Variants in DAP3 observed in about 807,000 individuals in gnomAD.
The protein encoded by DAP3 is death associated protein 3, also known as small ribosomal subunit protein mS29.
DAP3 carries 28 observed loss-of-function variants against 51.9 expected under a neutral mutation model. The ratio of observed to expected loss-of-function variants is 0.54; its 90% CI spans 0.40 to 0.74. The LOEUF is 0.74. DAP3 is among the 30% of genes least tolerant of loss of function. The pLI is 0.00. For missense variants in DAP3, 458 were observed against 483.5 expected, an observed-to-expected ratio of 0.95 and a Z score of 0.49; for synonymous variants, 170 against 170.3, an observed-to-expected ratio of 1.00 and a Z score of 0.01.
intron 6 of DAP3, among the ~76,000 whole-genome samples, chr1:155,726,617 C>T (rs1437772389): frequency 6.6e-6 from 1 of 151,794 alleles, no homozygotes; most frequent in East Asian, 1.9e-4. Context: ...TAACAGGGAT[C>T]TGATAGCTAA....
intron 1 of DAP3, among the ~76,000 whole-genome samples, chr1:155,689,940 A>AT (rs1653488513): frequency 1.3e-5 from 2 of 151,982 alleles, no homozygotes; most frequent in Non-Finnish European, 2.9e-5. Flanking sequence ...AAATAATAAT[A>AT]TATGTAAAGT....
chr1:155,731,975 AG>A lies in DAP3; in HGVS notation c.936del (p.Thr313LeufsTer71). The A allele has an allele frequency of 6.2e-7, 1 of 1,612,314 alleles. No individual in the cohort carries two copies. Among genetic ancestry groups the A allele is most frequent in the Non-Finnish European group, 8.5e-7 (1 of 1,179,218 alleles). On this transcript the variant is annotated frameshift_variant, in exon 11 of 13. Transcript: ENST00000368336. LOFTEE classifies it high-confidence loss of function. ...HGGAIVSALS[Q>X]TGSLFKPRKA... ...GGCGCCATTGTGTCGGCTTTGAGCC[AG>A]ACTGGGTCTCTCTTTAAGCCCCGGA...
chr1:155,698,211 C>T (rs348193), intron 1 of DAP3, among the ~76,000 whole-genome samples: 9,598 of 151,880 alleles, frequency 0.063, 1,068 homozygotes, highest in African/African-American at 0.22. Flanking sequence ...ACGAAGATGA[C>T]GGGATTAAGA....
intron 1 of DAP3, among the ~76,000 whole-genome samples, chr1:155,696,332 A>C (rs531714297): frequency 5.9e-5 from 9 of 152,172 alleles, no homozygotes; most frequent in Middle Eastern, 3.4e-3. Flanking sequence ...TTGGGTGTTA[A>C]TTCTCTTTTA....
chr1:155,689,897 C>T (rs547425291), intron 1 of DAP3, among the ~76,000 whole-genome samples: 70 of 118,688 alleles, frequency 5.9e-4, no homozygotes, highest in Middle Eastern at 4.0e-3. Flanking sequence ...GGCGACAAAG[C>T]GAGACTCCGT....
At chr1:155,711,564 G>A (rs1371633395) in intron 2 of DAP3, among the ~76,000 whole-genome samples, 1 of 149,790 alleles carries the variant, frequency 6.7e-6, no homozygotes, top group African/African-American at 2.4e-5. Context: ...GTAGAGTGCT[G>A]TTGGTGAGAG....
upstream of DAP3, chr1:155,688,463 A>G (rs201567646): frequency 1.9e-6 from 3 of 1,549,734 alleles, no homozygotes; most frequent in Non-Finnish European, 1.7e-6. Context: ...GACTCCGGCC[A>G]TGTAGCGCGC....
intron 3 of DAP3, 39 bp downstream of exon 3, chr1:155,717,167 A>G (rs757091369): frequency 9.4e-6 from 15 of 1,597,014 alleles, no homozygotes; most frequent in African/African-American, 2.7e-5. Flanking sequence ...CTCAGGGCTT[A>G]TGATTTGTGT....
At chr1:155,689,682 G>A (rs1653416006) in intron 1 of DAP3, 1 of 324,640 alleles carries the variant, frequency 3.1e-6, no homozygotes, top group Non-Finnish European at 6.0e-6. Flanking sequence ...GGGAGGCCGA[G>A]GCAGGTGGAT....
chr1:155,708,013 T>C (rs1656211448), intron 1 of DAP3, among the ~76,000 whole-genome samples: 1 of 152,120 alleles, frequency 6.6e-6, no homozygotes, highest in African/African-American at 2.4e-5. Flanking sequence ...TGAACCTCCT[T>C]ATATATATTT....
intron 2 of DAP3, among the ~76,000 whole-genome samples, chr1:155,715,186 G>C (rs1558354235): frequency 1.4e-5 from 2 of 145,942 alleles, no homozygotes; most frequent in Non-Finnish European, 3.0e-5. Context: ...CTGGGCAACA[G>C]AGCAAGACTC....
chr1:155,736,879 G>A, intron 11 of DAP3, 67 bp from the exon 12 acceptor site: 2 of 1,268,780 alleles, frequency 1.6e-6, no homozygotes, highest in Admixed American at 3.4e-5. Context: ...AAGTGCTTAA[G>A]TAGAGTCTGT....
At chr1:155,692,487 A>G (rs1653963659) in intron 1 of DAP3, among the ~76,000 whole-genome samples, 1 of 142,104 alleles carries the variant, frequency 7.0e-6, no homozygotes, top group Non-Finnish European at 1.5e-5. Flanking sequence ...AACAGCATAA[A>G]CAGGTACACA....
Position 155,727,707 on chromosome 1 carries a change from T to C in DAP3, c.572T>C (p.Phe191Ser). Reference sequence around the variant, plus strand: ...GAGGCTTCAACCTGGCTGAAGAATTTCAAAACTACAAATGAGCGCTTCCTG... The same window carrying C: ...GAGGCTTCAACCTGGCTGAAGAATTCCAAAACTACAAATGAGCGCTTCCTG... ...PLEASTWLKN[F>S]KTTNERFLNQ... The change falls in exon 7 of 13, where the codon TTC becomes TCC. Residue 191 changes from phenylalanine (F) to serine (S), a missense_variant. Physicochemically the swap from Phe to Ser is radical, Grantham distance 155. Coordinates refer to ENST00000368336, the MANE Select transcript of DAP3 (RefSeq NM_004632.4). 1 of 1,613,728 alleles carries C rather than the reference T, an allele frequency of 6.2e-7. No homozygotes were observed. Among genetic ancestry groups the C allele is most frequent in the Non-Finnish European group, 8.5e-7 (1 of 1,179,818 alleles).
chr1:155,738,493 A>G lies in DAP3; in HGVS notation c.*251A>G. 2.4e-6 allele frequency: 1 copy of G among 416,844 alleles called. No individual in the cohort carries two copies. Among genetic ancestry groups the G allele is most frequent in the Non-Finnish European group, 4.3e-6 (1 of 235,008 alleles). The allele number at this position is 416,844 out of a possible 1,614,324, so 25.8% of individuals were successfully genotyped here. ...GTGGTTTTTCACATTTAAGATAATTATGGCTCTTTTCCTAAAAAATAAAAT... is the reference window on the plus strand; with the variant it reads ...GTGGTTTTTCACATTTAAGATAATTGTGGCTCTTTTCCTAAAAAATAAAAT... On this transcript the variant is annotated 3_prime_UTR_variant, in exon 13 of 13. Coordinates refer to ENST00000368336, the MANE Select transcript of DAP3 (RefSeq NM_004632.4).
At chr1:155,692,631 T>C (rs939833763) in intron 1 of DAP3, among the ~76,000 whole-genome samples, 3 of 142,156 alleles carry the variant, frequency 2.1e-5, no homozygotes, top group Non-Finnish European at 4.4e-5. Flanking sequence ...CCTGAGATGC[T>C]TTAAAAACCT....
chr1:155,691,178 AT>A (rs907197297), intron 1 of DAP3, among the ~76,000 whole-genome samples: 1 of 142,130 alleles, frequency 7.0e-6, no homozygotes, highest in African/African-American at 3.2e-5. Flanking sequence ...AAGTGCTGGG[AT>A]TACAGGCGTG....
chr1:155,712,612 CA>C lies in DAP3; in HGVS notation c.45+2811del, dbSNP rs61338392. Among the ~76,000 whole-genome samples, 196 of 55,504 alleles carry C rather than the reference CA, an allele frequency of 3.5e-3. 2 individuals are homozygous for C. Among genetic ancestry groups the C allele is most frequent in the South Asian group, 0.027 (36 of 1,324 alleles). The allele number at this position is 55,504 out of a possible 152,430, so 36.4% of individuals were successfully genotyped here. On this transcript the variant is annotated intron_variant, in intron 2 of 12. Coordinates refer to ENST00000368336, the MANE Select transcript of DAP3 (RefSeq NM_004632.4). ...GGGCAACAAGAGTGAAACTCCGTCT[CA>C]AAAAAAAAAAAAAAAAAAAAAAGAT...
At position 155,695,452 on chromosome 1, in the gene DAP3, G is replaced by T. The variant is rs571415015; in HGVS notation, c.-8+6278G>T. On this transcript the variant is annotated intron_variant, in intron 1 of 12. Transcript: ENST00000368336. ...TGTTTGTAAGTCCTGTTACATTAAG[G>T]TGTGTTAATGAGTGGAAAGTCTGGG... Among the ~76,000 whole-genome samples, 4 of 152,260 alleles carry T rather than the reference G, an allele frequency of 2.6e-5. No homozygotes were observed. The South Asian group carries it at 8.3e-4, about 32-fold the overall frequency.
Sources: allele counts gnomAD v4.1 joint callset (sites outside exome capture counted in the v4.1 genomes callset), GRCh38; gene constraint gnomAD v4.1.1; transcripts MANE v1.5; gene names NCBI Gene and HGNC (gene_info 2026-07-23, HGNC 2026-07-21).